HEATR1: variants seen among roughly 807,000 people sequenced by gnomAD.
HEATR1 encodes HEAT repeat-containing protein 1.
In HEATR1, 77 loss-of-function variants were observed where a neutral mutation model predicts 248.2. The observed-to-expected ratio is 0.31, with a 90% CI of 0.26 to 0.37. The LOEUF is 0.37. Among genes scored for constraint, HEATR1 ranks in the 10% least tolerant of loss-of-function variants. The pLI is 1.00. For missense variants in HEATR1, 2,420 were observed against 2,504.9 expected, an observed-to-expected ratio of 0.97 and a Z score of 0.72; for synonymous variants, 897 against 923.1, an observed-to-expected ratio of 0.97 and a Z score of 0.51.
At position 236,603,311 on chromosome 1, in the gene HEATR1, A is replaced by G; in HGVS notation, c.208T>C (p.Phe70Leu). The change falls in exon 3 of 45, where the codon TTC becomes CTC. Residue 70 changes from phenylalanine to leucine, a missense_variant. By Grantham distance (22) the Phe-to-Leu change is conservative (BLOSUM62 0). Transcript: ENST00000366582. ...TCCAAGGTTTTTGCTAGCTGACTGA[A>G]CAACGGTGCTTCAAACTGCTCAAAG... ...PSFEQFEAPL[F>L]SQLAKTLERS... 2 of 1,614,176 alleles carry G rather than the reference A, an allele frequency of 1.2e-6. No individual in the cohort carries two copies. Among genetic ancestry groups the G allele is most frequent in the East Asian group, 2.2e-5 (1 of 44,876 alleles).
Position 236,559,017 on chromosome 1 carries a change from T to C in HEATR1, c.4889A>G (p.Asn1630Ser), listed in dbSNP as rs371868580. 1 of 1,610,424 alleles carries C rather than the reference T, an allele frequency of 6.2e-7. No homozygotes were observed. The highest frequency in any genetic ancestry group is 8.5e-7 in the Non-Finnish European group (1 of 1,179,096). The change falls in exon 35 of 45, where the codon AAT becomes AGT. Residue 1630 changes from asparagine (N) to serine (S), a missense_variant. By Grantham distance (46) the Asn-to-Ser change is conservative. Transcript: ENST00000366582. ...CACTATTGTCTTCTTCCAGGATATA[T>C]TTTGCTGCAGCTTGTTATTCAAAAG... ...LDLLNNKLQQ[N>S]ISWKKTIVTR...
intron 3 of HEATR1, among the ~76,000 whole-genome samples, chr1:236,601,841 T>C (rs1310317179): frequency 2.1e-5 from 3 of 145,358 alleles, no homozygotes; most frequent in Non-Finnish European, 4.5e-5. Flanking sequence ...AAAATAAAAA[T>C]AAAAAGACAG....
At chr1:236,569,245 A>T (rs1572038568) in intron 28 of HEATR1, 121 bp from the exon 29 acceptor site, 2 of 707,636 alleles carry the variant, frequency 2.8e-6, no homozygotes, top group Non-Finnish European at 4.4e-6. Flanking sequence ...GTGTGATCAC[A>T]GTTCACTGAA....
intron 33 of HEATR1, among the ~76,000 whole-genome samples, chr1:236,560,943 C>T (rs1346666190): frequency 6.6e-6 from 1 of 152,192 alleles, no homozygotes; most frequent in East Asian, 1.9e-4. Context: ...GATTACATCA[C>T]TGGATTGGAT....
At position 236,565,905 on chromosome 1, in the gene HEATR1, C is replaced by T. The variant is rs376760901; in HGVS notation, c.4435+14G>A. On this transcript the variant is annotated intron_variant, in intron 31 of 44. Transcript: ENST00000366582. Reference sequence around the variant, plus strand: ...TTCAGATTGAACAGTAAGTGACACCCGATCTACGCTTACCTTCTTTTTCCT... The same window carrying T: ...TTCAGATTGAACAGTAAGTGACACCTGATCTACGCTTACCTTCTTTTTCCT... The T allele has an allele frequency of 4.8e-4, 779 of 1,607,924 alleles. No homozygotes were observed. The highest frequency in any genetic ancestry group is 6.2e-4 in the Non-Finnish European group (734 of 1,177,306).
At chr1:236,562,404 C>T (rs1663153282) in intron 32 of HEATR1, among the ~76,000 whole-genome samples, 1 of 152,180 alleles carries the variant, frequency 6.6e-6, no homozygotes, top group Admixed American at 6.5e-5. Context: ...AGTTTTTACT[C>T]TGACTAAAGT....
rs1441816546 is a variant in HEATR1 at position 236,564,646 on chromosome 1, G to A, written c.4451C>T (p.Ala1484Val). 13 of 1,611,104 alleles carry A rather than the reference G, an allele frequency of 8.1e-6. No homozygotes were observed. Among genetic ancestry groups the A allele is most frequent in the Non-Finnish European group, 1.1e-5 (13 of 1,179,184 alleles). The change falls in exon 32 of 45, where the codon GCA becomes GTA. Residue 1484 changes from alanine to valine, a missense_variant. Ala to Val is a moderately conservative substitution (Grantham distance 64). Coordinates refer to ENST00000366582, the MANE Select transcript of HEATR1 (RefSeq NM_018072.6). The part of the protein sequence containing the change: ...PEEKEETIPK[A>V]VSFNKSESQE... ...TGATTCACTCTTATTAAATGACACTGCTTTGGGAATGGTTTCTGAAACAGC... is the reference window on the plus strand; with the variant it reads ...TGATTCACTCTTATTAAATGACACTACTTTGGGAATGGTTTCTGAAACAGC...
chr1:236,562,571 A>T (rs1017877862), intron 32 of HEATR1, among the ~76,000 whole-genome samples: 1 of 152,234 alleles, frequency 6.6e-6, no homozygotes, highest in Non-Finnish European at 1.5e-5. Flanking sequence ...CCTACTGTTC[A>T]GTCACATTGA....
At position 236,566,041 on chromosome 1, in the gene HEATR1, G is replaced by A; in HGVS notation, c.4313C>T (p.Ala1438Val). ...VLAAAYGEKDAILEADTEFWF... is the reference protein window; with the variant it reads ...VLAAAYGEKDVILEADTEFWF... ...AAATTCAGTGTCTGCTTCTAAAATA[G>A]CATCCTGTGTAGAAAAAGAAAAAGG... The change falls in exon 31 of 45, where the codon GCT (alanine) becomes GTT (valine). Residue 1438 changes from alanine (A) to valine (V), a missense_variant. Physicochemically the swap from Ala to Val is moderately conservative, Grantham distance 64 (BLOSUM62 0). Transcript: ENST00000366582. 1.9e-6 allele frequency: 3 copies of A among 1,612,952 alleles called. No homozygotes were observed. Among genetic ancestry groups the A allele is most frequent in the Non-Finnish European group, 2.5e-6 (3 of 1,179,640 alleles).
intron 17 of HEATR1, 26 bp from the exon 18 acceptor site, chr1:236,583,222 T>C (rs775428916): frequency 1.9e-6 from 3 of 1,556,062 alleles, no homozygotes; most frequent in South Asian, 1.2e-5. Context: ...AAACAAAAAC[T>C]AGTACAAACT....
chr1:236,584,908 C>T, intron 17 of HEATR1, 117 bp downstream of exon 17: 2 of 816,036 alleles, frequency 2.5e-6, no homozygotes, highest in Non-Finnish European at 3.7e-6. Flanking sequence ...CACATTTCAT[C>T]CAGCTACTAT....
rs917071970 is a variant in HEATR1 at position 236,581,211 on chromosome 1, A to C, written c.2755+11T>G. The C allele has an allele frequency of 4.4e-6, 7 of 1,601,220 alleles. No individual in the cohort carries two copies. Among genetic ancestry groups the C allele is most frequent in the Non-Finnish European group, 6.0e-6 (7 of 1,169,024 alleles). On this transcript the variant is annotated intron_variant, in intron 20 of 44. Coordinates refer to ENST00000366582, the MANE Select transcript of HEATR1 (RefSeq NM_018072.6). ...GGTCATGACAAAACATAACAATGCT[A>C]CTTTTAATACCTGGAGAAGATATGG...
chr1:236,590,574 C>G (rs888659053), intron 12 of HEATR1, among the ~76,000 whole-genome samples: 19 of 152,082 alleles, frequency 1.2e-4, no homozygotes, highest in African/African-American at 4.3e-4. Context: ...ATTAATGAAC[C>G]TACGTGAATT....
chr1:236,555,426 G>A lies in HEATR1; in HGVS notation c.5793C>T (p.Asp1931=). 6.2e-7 allele frequency: 1 copy of A among 1,614,222 alleles called. No homozygotes were observed. Among genetic ancestry groups the A allele is most frequent in the Non-Finnish European group, 8.5e-7 (1 of 1,180,040 alleles). ...DWAKTEDAPK[D]RLLTFYNLAD... ...CCAAGTTGTAAAATGTCAACAACCT[G>A]TCCTTTGGGGCATCTTCTGTTTTAG... Residue 1931 remains aspartate, a synonymous_variant, in exon 41 of 45, where the codon GAC becomes GAT. Coordinates refer to ENST00000366582, the MANE Select transcript of HEATR1 (RefSeq NM_018072.6).
intron 37 of HEATR1, 139 bp downstream of exon 37, chr1:236,557,056 C>G: frequency 1.2e-6 from 1 of 849,802 alleles, no homozygotes. Context: ...TTAATAAAAG[C>G]AAGCACATCT....
chr1:236,577,127 A>G (rs1663582843), intron 20 of HEATR1, among the ~76,000 whole-genome samples, 178 bp from the exon 21 acceptor site: 1 of 116,986 alleles, frequency 8.5e-6, no homozygotes, highest in South Asian at 2.6e-4. Context: ...TACCTGGTGC[A>G]TTCTTTTGAA....
intron 29 of HEATR1, 121 bp from the exon 30 acceptor site, chr1:236,566,997 T>C: frequency 1.5e-6 from 1 of 660,300 alleles, no homozygotes; most frequent in Non-Finnish European, 2.6e-6. Flanking sequence ...ATTTTATTTA[T>C]TTTTTTAGAG....
In HEATR1 at chr1:236,558,491, G is replaced by A. The variant is rs1360043657; in HGVS notation, c.4950C>T (p.Ala1650=). 6.2e-7 allele frequency: 1 copy of A among 1,613,988 alleles called. No individual in the cohort carries two copies. The highest frequency in any genetic ancestry group is 8.5e-7 in the Non-Finnish European group (1 of 1,179,932). The change falls in exon 36 of 45, where the codon GCC becomes GCT. Residue 1650 remains alanine, a synonymous_variant. Transcript: ENST00000366582. Reference sequence around the variant, plus strand: ...CTTCCTTTTTCTTACGCTGCACAATGGCCAAAAGGTCTGGAACCAGTTTTA... The same window carrying A: ...CTTCCTTTTTCTTACGCTGCACAATAGCCAAAAGGTCTGGAACCAGTTTTA... ...RFLKLVPDLL[A]IVQRKKKEGE...
chr1:236,551,617 G>A (rs1165923093), intron 44 of HEATR1: 23 of 169,416 alleles, frequency 1.4e-4, no homozygotes, highest in Admixed American at 1.3e-3. Flanking sequence ...ACATCCTACT[G>A]CATCCTTAAT....
Sources: allele counts gnomAD v4.1 joint callset (sites outside exome capture counted in the v4.1 genomes callset), GRCh38; gene constraint gnomAD v4.1.1; transcripts MANE v1.5; gene names NCBI Gene and HGNC (gene_info 2026-07-23, HGNC 2026-07-21).